SEPTIN10: variants seen among roughly 807,000 people sequenced by gnomAD.
SEPTIN10 encodes the protein septin-10.
SEPTIN10 carries 66 observed loss-of-function variants against 54.8 expected under a neutral mutation model. That is an observed-to-expected ratio of 1.21 (90% CI 0.99 to 1.48). The LOEUF is 1.48. Ranked by LOEUF, SEPTIN10 falls within the 40% of genes most tolerant of loss-of-function variation. SEPTIN10 has a pLI of 0.00. For synonymous variants in SEPTIN10, 161 were observed against 181.0 expected (o/e 0.89, Z 0.89); for missense variants, 620 against 545.6 (o/e 1.14, Z -1.36).
chr2:109,546,031 G>C lies in SEPTIN10; in HGVS notation c.1349+19C>G, dbSNP rs1206416236. The C allele has an allele frequency of 1.3e-6, 2 of 1,548,920 alleles. No homozygotes were observed. The highest frequency in any genetic ancestry group is 4.2e-5 in the Admixed American group (2 of 48,156). On this transcript the variant is annotated intron_variant, in intron 10 of 10. Transcript: ENST00000397712. ...CAAGTGTGGGCAGGGCTGCCAGGGAGGGTGGCTGGGCCTCTTACTTCTTAC... is the reference window on the plus strand; with the variant it reads ...CAAGTGTGGGCAGGGCTGCCAGGGACGGTGGCTGGGCCTCTTACTTCTTAC...
At chr2:109,600,190 T>C (rs557858260) in intron 1 of SEPTIN10, among the ~76,000 whole-genome samples, 12 of 152,316 alleles carry the variant, frequency 7.9e-5, no homozygotes, top group African/African-American at 2.2e-4. Context: ...CACTGCTCAA[T>C]TGGGCTTCCT....
intron 5 of SEPTIN10, among the ~76,000 whole-genome samples, chr2:109,572,640 G>C (rs540486730): frequency 1.1e-3 from 144 of 133,660 alleles, no homozygotes; most frequent in Non-Finnish European, 1.9e-3. Context: ...TTTTTGAGAC[G>C]GAGTCTCGCT....
chr2:109,573,836 T>C (rs1688962740), intron 5 of SEPTIN10, among the ~76,000 whole-genome samples: 1 of 152,232 alleles, frequency 6.6e-6, no homozygotes, highest in African/African-American at 2.4e-5. Context: ...TATAGCTCCT[T>C]GGCTTGGAAA....
At chr2:109,560,224 C>T (rs1358093088) in intron 8 of SEPTIN10, among the ~76,000 whole-genome samples, 1 of 152,148 alleles carries the variant, frequency 6.6e-6, no homozygotes, top group East Asian at 1.9e-4. Context: ...CTGGCCCCAA[C>T]CACTGCCTTT....
At chr2:109,612,769 T>C (rs537078318) in intron 1 of SEPTIN10, among the ~76,000 whole-genome samples, 40 of 152,082 alleles carry the variant, frequency 2.6e-4, no homozygotes, top group African/African-American at 9.6e-4. Context: ...AGACAGAAAA[T>C]TTGAGATTTT....
chr2:109,604,379 A>ACGGAAG (rs1697401941), intron 1 of SEPTIN10, among the ~76,000 whole-genome samples: 7 of 25,890 alleles, frequency 2.7e-4, no homozygotes, highest in Non-Finnish European at 5.0e-4. Flanking sequence ...AAAGAAGGGA[A>ACGGAAG]GGGAAGGGGA....
chr2:109,567,913 T>C lies in SEPTIN10; in HGVS notation c.664A>G (p.Lys222Glu), dbSNP rs1558764606. ...TVSKTELQKFKIKLMSELVSN... is the reference protein window; with the variant it reads ...TVSKTELQKFEIKLMSELVSN... ...ACCAATTCACTCATGAGCTTGATCT[T>C]AAACTTCTGTAATTCAGTTTTAGAA... The change falls in exon 6 of 11, where the codon AAG becomes GAG. Residue 222 changes from lysine to glutamate, a missense_variant. Lys to Glu is a moderately conservative substitution (Grantham distance 56, BLOSUM62 1). Transcript: ENST00000397712. The C allele has an allele frequency of 6.2e-7, 1 of 1,613,968 alleles. No homozygotes were observed. Among genetic ancestry groups the C allele is most frequent in the Non-Finnish European group, 8.5e-7 (1 of 1,179,846 alleles).
rs949075763 is a variant in SEPTIN10, at chr2:109,613,907, C to G, written c.-80G>C. 9.0e-6 allele frequency: 11 copies of G among 1,228,032 alleles called. No homozygotes were observed. The South Asian group carries it at 2.8e-4, about 32-fold the overall frequency. The allele number at this position is 1,228,032 out of a possible 1,614,324, so 76.1% of individuals were successfully genotyped here. On this transcript the variant is annotated 5_prime_UTR_variant, in exon 1 of 11. Transcript: ENST00000397712. The stretch of plus-strand genomic sequence containing the variant: ...GGTCCCGGCGACGGCGGCGGGAAGG[C>G]CGGAGGGCAGAAGCAACGGGCGGGG...
chr2:109,555,749 C>CAATAAAG, intron 8 of SEPTIN10, among the ~76,000 whole-genome samples: 1 of 152,196 alleles, frequency 6.6e-6, no homozygotes, highest in Non-Finnish European at 1.5e-5. Context: ...GTTCTTTCTA[C>CAATAAAG]CCAATAAATA....
At chr2:109,565,637 G>C in intron 7 of SEPTIN10, 126 bp downstream of exon 7, 1 of 830,276 alleles carries the variant, frequency 1.2e-6, no homozygotes, top group East Asian at 2.5e-5. Flanking sequence ...GGCTAAAATA[G>C]TACACAGCCA....
rs143666330 is a variant in SEPTIN10, at chr2:109,561,724, A to G, written c.1028+2642T>C. On this transcript the variant is annotated intron_variant, in intron 8 of 10. Coordinates refer to ENST00000397712, the MANE Select transcript of SEPTIN10 (RefSeq NM_144710.5). ...TCTGATTCCCATCCTCCTCAGGTCAATAACGATCACCACCAGTCACCCCAT... is the reference window on the plus strand; with the variant it reads ...TCTGATTCCCATCCTCCTCAGGTCAGTAACGATCACCACCAGTCACCCCAT... Among the ~76,000 whole-genome samples the G allele has an allele frequency of 1.9e-3, 289 of 152,338 alleles. 1 individual carries two copies. In the South Asian group the frequency reaches 0.022, roughly 12 times the overall value.
rs571637032 is a variant in SEPTIN10, at chr2:109,543,585, T to G, written c.*724A>C. 6.6e-6 allele frequency: 1 copy of G among 152,320 alleles called. No individual in the cohort carries two copies. The highest frequency in any genetic ancestry group is 1.9e-4 in the East Asian group (1 of 5,184). 9.4% of individuals were successfully genotyped at this position (152,320 alleles called of 1,614,324 possible). ...ATCCCAAAACATATTCCCCAAAATT[T>G]TTAGCATATATAAAAAAGGTTCATC... On this transcript the variant is annotated 3_prime_UTR_variant, in exon 11 of 11. Coordinates refer to ENST00000397712, the MANE Select transcript of SEPTIN10 (RefSeq NM_144710.5).
rs563523068 is a variant in SEPTIN10, at chr2:109,588,180, C to T, written c.100-2342G>A. Among the ~76,000 whole-genome samples the T allele has an allele frequency of 2.6e-5, 4 of 150,958 alleles. No individual in the cohort carries two copies. The East Asian group carries it at 5.8e-4, about 22-fold the overall frequency. On this transcript the variant is annotated intron_variant, in intron 2 of 10. Coordinates refer to ENST00000397712, the MANE Select transcript of SEPTIN10 (RefSeq NM_144710.5). ...TTCAAAAATGAAGGCAAAATGAAGACAACTTCAGATAAACAAAATCTGAGA... is the reference window on the plus strand; with the variant it reads ...TTCAAAAATGAAGGCAAAATGAAGATAACTTCAGATAAACAAAATCTGAGA...
intron 8 of SEPTIN10, among the ~76,000 whole-genome samples, chr2:109,560,047 A>C (rs1473708912): frequency 6.6e-6 from 1 of 151,354 alleles, no homozygotes; most frequent in African/African-American, 2.4e-5. Flanking sequence ...CAGCCTCCCA[A>C]GTAGCCGGGA....
chr2:109,575,956 T>C (rs1294561366), intron 4 of SEPTIN10, among the ~76,000 whole-genome samples: 1 of 152,190 alleles, frequency 6.6e-6, no homozygotes, highest in Admixed American at 6.5e-5. Flanking sequence ...CATCTGTATT[T>C]TCCACCAGAA....
At chr2:109,608,722 TA>T (rs1248379856) in intron 1 of SEPTIN10, among the ~76,000 whole-genome samples, 1 of 152,248 alleles carries the variant, frequency 6.6e-6, no homozygotes, top group African/African-American at 2.4e-5. Context: ...GACTATGAGA[TA>T]CATGATTCCT....
intron 5 of SEPTIN10, among the ~76,000 whole-genome samples, chr2:109,571,452 T>A (rs1166420253): frequency 6.6e-6 from 1 of 152,212 alleles, no homozygotes; most frequent in African/African-American, 2.4e-5. Context: ...CTGTACAGCA[T>A]GTAACTATAC....
chr2:109,609,834 A>G (rs1394282387), intron 1 of SEPTIN10, among the ~76,000 whole-genome samples: 1 of 152,214 alleles, frequency 6.6e-6, no homozygotes, highest in East Asian at 1.9e-4. Context: ...AAAGGTAAGG[A>G]TAACTGAAGA....
intron 8 of SEPTIN10, among the ~76,000 whole-genome samples, chr2:109,563,950 G>A (rs1389236627): frequency 6.6e-6 from 1 of 152,164 alleles, no homozygotes; most frequent in East Asian, 1.9e-4. Flanking sequence ...GTAAGACCCT[G>A]TCTCTACAAA....
Sources: allele counts gnomAD v4.1 joint callset (sites outside exome capture counted in the v4.1 genomes callset), GRCh38; gene constraint gnomAD v4.1.1; transcripts MANE v1.5; gene names NCBI Gene and HGNC (gene_info 2026-07-23, HGNC 2026-07-21).